NAALADL2: variants seen among roughly 807,000 people sequenced by gnomAD.
The protein encoded by NAALADL2 is inactive N-acetylated-alpha-linked acidic dipeptidase-like protein 2.
NAALADL2 carries 76 observed loss-of-function variants against 87.2 expected under a neutral mutation model. The ratio of observed to expected loss-of-function variants is 0.87; its 90% confidence interval spans 0.72 to 1.05. The LOEUF (loss-of-function observed/expected upper bound fraction) is 1.05. Ranked by LOEUF, NAALADL2 falls within the 50% of genes least tolerant of loss-of-function variation. The pLI is 0.00. For synonymous variants in NAALADL2, 354 were observed against 331.0 expected, an observed-to-expected ratio of 1.07 and a Z score of -0.75; for missense variants, 1,089 against 945.8, an observed-to-expected ratio of 1.15 and a Z score of -1.99.
chr3:174,857,514 G>T (rs1440841125), upstream of NAALADL2, among the ~76,000 whole-genome samples: 2 of 152,086 alleles, frequency 1.3e-5, no homozygotes, highest in African/African-American at 2.4e-5. Context: ...TTCAGTGCCT[G>T]GGGCAGGTCT....
At chr3:175,790,732 C>A (rs28524044) in intron 13 of NAALADL2, among the ~76,000 whole-genome samples, 5,171 of 152,286 alleles carry the variant, frequency 0.034, 239 homozygotes, top group African/African-American at 0.096. Flanking sequence ...TCCACATATA[C>A]TTGAACAACA....
intron 2 of NAALADL2, among the ~76,000 whole-genome samples, chr3:175,206,347 A>G (rs979866615): frequency 6.8e-6 from 1 of 147,108 alleles, no homozygotes; most frequent in Admixed American, 6.9e-5. Flanking sequence ...TATATAATGT[A>G]TATGTTATAT....
chr3:175,426,818 G>A (rs553641763), intron 5 of NAALADL2, among the ~76,000 whole-genome samples: 3 of 152,248 alleles, frequency 2.0e-5, no homozygotes, highest in Non-Finnish European at 4.4e-5. Context: ...ATCAGCAGCT[G>A]CCTATTTCTA....
intron 5 of NAALADL2, among the ~76,000 whole-genome samples, chr3:175,343,953 C>A (rs1762867195): frequency 6.6e-6 from 1 of 151,772 alleles, no homozygotes; most frequent in Non-Finnish European, 1.5e-5. Context: ...AAAAAAAATT[C>A]TTCCTTCTAT....
chr3:175,380,589 A>C (rs1475526850), intron 5 of NAALADL2, among the ~76,000 whole-genome samples: 2 of 152,214 alleles, frequency 1.3e-5, no homozygotes, highest in African/African-American at 2.4e-5. Context: ...AAAGAAAATA[A>C]TACAAACTTT....
chr3:175,281,479 G>T (rs1754304462), intron 4 of NAALADL2, among the ~76,000 whole-genome samples: 1 of 151,600 alleles, frequency 6.6e-6, no homozygotes, highest in East Asian at 1.9e-4. Context: ...CAAATTTATT[G>T]ATCAATTTGA....
chr3:175,435,903 G>A (rs1266067681), intron 5 of NAALADL2, among the ~76,000 whole-genome samples: 4 of 149,152 alleles, frequency 2.7e-5, no homozygotes, highest in Non-Finnish European at 4.4e-5. Context: ...ACATTGTGCA[G>A]GTTAGTTACA....
chr3:175,573,319 G>C (rs554416389), intron 9 of NAALADL2, among the ~76,000 whole-genome samples: 1 of 152,290 alleles, frequency 6.6e-6, no homozygotes, highest in East Asian at 1.9e-4. Flanking sequence ...TAAAGAGAAA[G>C]TAGGTCATTT....
At chr3:175,663,116 G>A (rs1732483822) in intron 11 of NAALADL2, among the ~76,000 whole-genome samples, 4 of 151,728 alleles carry the variant, frequency 2.6e-5, no homozygotes, top group Admixed American at 2.6e-4. Context: ...GTAGAATTCA[G>A]CAGTGTATAC....
At chr3:175,671,239 A>T (rs1371459593) in intron 11 of NAALADL2, among the ~76,000 whole-genome samples, 1 of 151,196 alleles carries the variant, frequency 6.6e-6, no homozygotes, top group Non-Finnish European at 1.5e-5. Context: ...CAAAATGTTA[A>T]CTCCATTTTT....
chr3:174,811,241 C>G (rs1000813941), intron 3 of NAALADL2, among the ~76,000 whole-genome samples: 2 of 152,162 alleles, frequency 1.3e-5, no homozygotes, highest in African/African-American at 2.4e-5. Context: ...AGAAGAGGCA[C>G]TCTGTCCTCC....
At chr3:174,863,898 A>G (rs1048093418) in intron 1 of NAALADL2, 1 of 339,998 alleles carries the variant, frequency 2.9e-6, no homozygotes. Flanking sequence ...GGCTTTCACT[A>G]GCCCTTCATG....
In NAALADL2 at chr3:175,178,693, G is replaced by A. The variant is rs138169889; in HGVS notation, c.546-55238G>A. On this transcript the variant is annotated intron_variant, in intron 2 of 13. Coordinates refer to ENST00000454872, the MANE Select transcript of NAALADL2 (RefSeq NM_207015.3). ...GCAGTACCTGATTCAGTAGGACTAGGGAGAAGCCCGAGAATCTGCATTTCT... is the reference window on the plus strand; with the variant it reads ...GCAGTACCTGATTCAGTAGGACTAGAGAGAAGCCCGAGAATCTGCATTTCT... 5.9e-4 allele frequency among the ~76,000 whole-genome samples: 89 copies of A among 152,108 alleles called. 1 individual carries two copies. Among genetic ancestry groups the A allele is most frequent in the African/African-American group, 2.0e-3 (84 of 41,522 alleles).
chr3:175,467,308 T>C (rs1724226381), intron 8 of NAALADL2, 124 bp downstream of exon 8: 1 of 705,138 alleles, frequency 1.4e-6, no homozygotes, highest in African/African-American at 1.8e-5. Context: ...TATTGCCTAA[T>C]TTGCTGAGAT....
intron 13 of NAALADL2, among the ~76,000 whole-genome samples, chr3:175,772,830 G>T (rs553743168): frequency 1.3e-5 from 2 of 152,200 alleles, no homozygotes; most frequent in African/African-American, 2.4e-5. Context: ...TAACTTCTGT[G>T]ACATTTTAGT....
At chr3:175,497,083 A>T (rs1728921662) in intron 9 of NAALADL2, among the ~76,000 whole-genome samples, 1 of 151,920 alleles carries the variant, frequency 6.6e-6, no homozygotes, top group African/African-American at 2.4e-5. Flanking sequence ...TTTAATTTTA[A>T]TTTTTTTAGA....
intron 2 of NAALADL2, among the ~76,000 whole-genome samples, chr3:174,690,921 T>G (rs73174703): frequency 0.022 from 3,394 of 152,182 alleles, 59 homozygotes; most frequent in Non-Finnish European, 0.035. Context: ...GCTTTGGAAA[T>G]TATTTCATGT....
At chr3:174,515,649 T>G (rs1371246407) in intron 1 of NAALADL2, among the ~76,000 whole-genome samples, 1 of 151,546 alleles carries the variant, frequency 6.6e-6, no homozygotes, top group Non-Finnish European at 1.5e-5. Flanking sequence ...CTAGAGAATC[T>G]TTTAGGAAAA....
At chr3:175,650,135 A>C (rs1420407814) in intron 11 of NAALADL2, among the ~76,000 whole-genome samples, 2 of 152,044 alleles carry the variant, frequency 1.3e-5, no homozygotes, top group Non-Finnish European at 2.9e-5. Context: ...CCATGCAAAT[A>C]ATAAAAAGAA....
Sources: gnomAD v4.1 joint callset for allele counts (sites outside exome capture counted in the v4.1 genomes callset) on GRCh38, gnomAD v4.1.1 for gene constraint, MANE v1.5 for transcripts, NCBI Gene and HGNC (gene_info 2026-07-23, HGNC 2026-07-21) for gene names.